CHAT: variants seen among roughly 807,000 people sequenced by gnomAD.
CHAT encodes the protein acetyl CoA:choline O-acetyltransferase.
Under a neutral mutation model 76.9 loss-of-function variants are expected in CHAT, and 61 were observed. That is an observed-to-expected ratio of 0.79 (90% confidence interval 0.65 to 0.98). The LOEUF is 0.98. Ranked by LOEUF, CHAT falls within the 50% of genes least tolerant of loss-of-function variation. CHAT has a pLI of 0.00. For synonymous variants in CHAT, 407 were observed against 397.4 expected (o/e 1.02, Z -0.29); for missense variants, 946 against 986.9 (o/e 0.96, Z 0.56).
chr10:49,611,874 C>T (rs1385376074), upstream of CHAT: 3 of 1,609,000 alleles, frequency 1.9e-6, no homozygotes, highest in East Asian at 2.2e-5. Flanking sequence ...CCGCCTGCCG[C>T]TCCTTCGCGC....
At chr10:49,660,372 G>A (rs1333153078) in intron 13 of CHAT, among the ~76,000 whole-genome samples, 2 of 151,994 alleles carry the variant, frequency 1.3e-5, no homozygotes, top group Non-Finnish European at 2.9e-5. Context: ...AACCCAGGAG[G>A]CAGAGGTTGC....
At chr10:49,655,648 A>G (rs1840013460) in intron 13 of CHAT, among the ~76,000 whole-genome samples, 200 bp downstream of exon 13, 1 of 152,222 alleles carries the variant, frequency 6.6e-6, no homozygotes, top group East Asian at 1.9e-4. Flanking sequence ...TTTGACATGG[A>G]TTTTATAAGA....
At chr10:49,624,958 A>G (rs2132726412) in intron 5 of CHAT, among the ~76,000 whole-genome samples, 1 of 151,750 alleles carries the variant, frequency 6.6e-6, no homozygotes, top group South Asian at 2.1e-4. Flanking sequence ...ATGTATGGAT[A>G]TATGGATGGA....
At position 49,619,914 on chromosome 10, in the gene CHAT, T is replaced by G; in HGVS notation, c.577T>G (p.Trp193Gly). Residue 193 changes from tryptophan (W) to glycine (G), a missense_variant and splice_region_variant, in exon 3 of 15, where the codon TGG (tryptophan) becomes GGG (glycine). Trp to Gly is a radical substitution (Grantham distance 184). Coordinates refer to ENST00000337653, the MANE Select transcript of CHAT (RefSeq NM_020549.5). Reference sequence around the variant, plus strand: ...GGAGCGGCAGGAGAAGACAGCCAACTGGGTAAGAGGGGCAGACAAGGAACC... The same window carrying G: ...GGAGCGGCAGGAGAAGACAGCCAACGGGGTAAGAGGGGCAGACAAGGAACC... ...LLERQEKTAN[W>G]VSEYWLNDMY... 6.2e-7 allele frequency: 1 copy of G among 1,609,878 alleles called. No homozygotes were observed. The highest frequency in any genetic ancestry group is 1.1e-5 in the South Asian group (1 of 90,102).
At chr10:49,658,069 T>TA (rs1197698365) in intron 13 of CHAT, among the ~76,000 whole-genome samples, 3 of 152,192 alleles carry the variant, frequency 2.0e-5, no homozygotes, top group African/African-American at 7.2e-5. Flanking sequence ...TTTTGCTAAT[T>TA]AAAAAAATCT....
At chr10:49,631,144 T>A (rs1260272552) in intron 7 of CHAT, among the ~76,000 whole-genome samples, 14 of 152,200 alleles carry the variant, frequency 9.2e-5, no homozygotes, top group African/African-American at 3.1e-4. Context: ...ACGGTCATGC[T>A]GGAATCTGAG....
intron 13 of CHAT, among the ~76,000 whole-genome samples, chr10:49,658,874 GA>G (rs1274235548): frequency 1.3e-5 from 2 of 152,114 alleles, no homozygotes; most frequent in Non-Finnish European, 2.9e-5. Flanking sequence ...AACTCTGGGG[GA>G]AAATATGGTA....
At chr10:49,611,410 G>C (rs867077697), upstream of CHAT, 6 of 1,598,022 alleles carry the variant, frequency 3.8e-6, no homozygotes, top group Non-Finnish European at 5.1e-6. Flanking sequence ...CATTAGCTTC[G>C]GAAGCCTAGT....
chr10:49,625,495 G>T lies in CHAT; in HGVS notation c.775G>T (p.Ala259Ser), dbSNP rs1311399880. The change falls in exon 6 of 15, where the codon GCC (alanine) becomes TCC (serine). Residue 259 changes from alanine (A) to serine (S), a missense_variant. Ala to Ser is a moderately conservative substitution (Grantham distance 99, BLOSUM62 1). Coordinates refer to ENST00000337653, the MANE Select transcript of CHAT (RefSeq NM_020549.5). Reference protein sequence around the residue: ...LDSHSIPTDCAKGQLSGQPLC... With the variant: ...LDSHSIPTDCSKGQLSGQPLC... ...CAGCCACTCCATTCCCACTGACTGT[G>T]CCAAAGGCCAGCTGTCAGGGCAGCC... 1 of 1,612,588 alleles carries T rather than the reference G, an allele frequency of 6.2e-7. No homozygotes were observed. Among genetic ancestry groups the T allele is most frequent in the East Asian group, 2.2e-5 (1 of 44,874 alleles).
At chr10:49,655,541 GC>G in intron 13 of CHAT, 93 bp downstream of exon 13, 1 of 1,192,492 alleles carries the variant, frequency 8.4e-7, no homozygotes, top group Non-Finnish European at 1.2e-6. Context: ...CTGTGTGAGG[GC>G]CCAGCCACCT....
chr10:49,612,948 C>G (rs1163506340), upstream of CHAT, among the ~76,000 whole-genome samples: 1 of 152,230 alleles, frequency 6.6e-6, no homozygotes. Context: ...CCAGGATAGA[C>G]CCTCTTTTCC....
At position 49,662,842 on chromosome 10, in the gene CHAT, A is replaced by C. The variant is rs1260710087; in HGVS notation, c.1977+60A>C. 1.9e-6 allele frequency: 3 copies of C among 1,605,434 alleles called. No individual in the cohort carries two copies. In the African/African-American group the frequency reaches 4.0e-5, roughly 21 times the overall value. ...GTAGTCAGTAAGCTTTCTAAAGAGC[A>C]GTGACAACAAGCCCACTAGCTGGAA... On this transcript the variant is annotated intron_variant, in intron 14 of 14. Coordinates refer to ENST00000337653, the MANE Select transcript of CHAT (RefSeq NM_020549.5).
intron 14 of CHAT, among the ~76,000 whole-genome samples, chr10:49,663,272 T>G (rs1238716169): frequency 6.6e-6 from 1 of 152,062 alleles, no homozygotes; most frequent in Non-Finnish European, 1.5e-5. Context: ...ATCTCCTAAA[T>G]GGGAGTAATC....
intron 7 of CHAT, among the ~76,000 whole-genome samples, chr10:49,635,572 A>T (rs1839267037): frequency 6.6e-6 from 1 of 152,226 alleles, no homozygotes; most frequent in African/African-American, 2.4e-5. Flanking sequence ...TCCAGTTTCT[A>T]TGCATCTTTG....
upstream of CHAT, chr10:49,612,048 C>T (rs1838313296): frequency 4.3e-6 from 7 of 1,613,668 alleles, no homozygotes; most frequent in Admixed American, 3.3e-5. Flanking sequence ...CGCTCGGGCC[C>T]ATAGTGGCAG....
chr10:49,609,746 G>GGGGCCA (rs1305044450), upstream of CHAT, among the ~76,000 whole-genome samples: 1 of 151,636 alleles, frequency 6.6e-6, no homozygotes, highest in Non-Finnish European at 1.5e-5. Flanking sequence ...GTGTGTGCAA[G>GGGGCCA]GGGCCAGGGG....
intron 7 of CHAT, among the ~76,000 whole-genome samples, chr10:49,628,652 C>G (rs1438198442): frequency 1.3e-5 from 2 of 152,206 alleles, no homozygotes; most frequent in Non-Finnish European, 2.9e-5. Context: ...AGACAGGCGT[C>G]AAAAACGTGC....
upstream of CHAT, chr10:49,611,393 T>A (rs1313062039): frequency 6.3e-7 from 1 of 1,598,918 alleles, no homozygotes; most frequent in Admixed American, 1.7e-5. Context: ...GGCGTGGCGC[T>A]GGCCTTCATT....
chr10:49,612,511 T>G, upstream of CHAT: 2 of 655,636 alleles, frequency 3.1e-6, no homozygotes, highest in South Asian at 4.6e-5. Flanking sequence ...CATATCCCTT[T>G]CTCTCTTGTC....
Sources: allele counts gnomAD v4.1 joint callset (sites outside exome capture counted in the v4.1 genomes callset), GRCh38; gene constraint gnomAD v4.1.1; transcripts MANE v1.5; gene names NCBI Gene and HGNC (gene_info 2026-07-23, HGNC 2026-07-21).